The following ARID2 variants were observed in gnomAD, a reference collection of about 807,000 sequenced individuals.
ARID2 encodes the protein AT-rich interactive domain-containing protein 2.
Under a neutral mutation model 184.6 loss-of-function variants are expected in ARID2, and 32 were observed. That is an observed-to-expected ratio of 0.17 (90% CI 0.13 to 0.23). The LOEUF (loss-of-function observed/expected upper bound fraction) is 0.23, where lower values mean the gene tolerates loss of function less well. ARID2 is among the 10% of genes least tolerant of loss of function. The pLI, the probability that ARID2 is intolerant of heterozygous loss-of-function variation, is 1.00. For synonymous variants in ARID2, 836 were observed against 772.6 expected, an observed-to-expected ratio of 1.08 and a Z score of -1.36; for missense variants, 1,696 against 2,197.6, an observed-to-expected ratio of 0.77 and a Z score of 4.56.
chr12:45,864,889 T>C (rs1330255097), intron 16 of ARID2, among the ~76,000 whole-genome samples: 1 of 152,196 alleles, frequency 6.6e-6, no homozygotes, highest in Non-Finnish European at 1.5e-5. Flanking sequence ...TTTCCCTTAT[T>C]TACCAGTTTT....
intron 6 of ARID2, among the ~76,000 whole-genome samples, chr12:45,835,743 T>C (rs776194059): frequency 1.3e-5 from 2 of 151,928 alleles, no homozygotes; most frequent in Admixed American, 6.6e-5. Context: ...CTACTAAAAA[T>C]ACAAAAATTA....
intron 3 of ARID2, among the ~76,000 whole-genome samples, chr12:45,787,436 T>G (rs1432625799): frequency 6.6e-6 from 1 of 151,968 alleles, no homozygotes; most frequent in Non-Finnish European, 1.5e-5. Context: ...GGTTTCACTG[T>G]GTTGCCCAGG....
At chr12:45,854,468 GT>G (rs1270183833) in intron 15 of ARID2, among the ~76,000 whole-genome samples, 1 of 152,056 alleles carries the variant, frequency 6.6e-6, no homozygotes, top group African/African-American at 2.4e-5. Flanking sequence ...GGAAAATACT[GT>G]ATCATTTTTA....
intron 3 of ARID2, among the ~76,000 whole-genome samples, chr12:45,806,080 G>A (rs1942594317): frequency 1.3e-5 from 2 of 152,044 alleles, no homozygotes; most frequent in Non-Finnish European, 2.9e-5. Context: ...TGTTGTCTTA[G>A]GTGAGAAACA....
intron 3 of ARID2, 22 bp from the exon 4 acceptor site, chr12:45,811,396 C>T (rs1592091483): frequency 6.3e-7 from 1 of 1,599,088 alleles, no homozygotes. Flanking sequence ...TAAATGTTTG[C>T]TGTGCTGTTT....
At chr12:45,853,644 C>A (rs1943595951) in intron 15 of ARID2, among the ~76,000 whole-genome samples, 1 of 152,202 alleles carries the variant, frequency 6.6e-6, no homozygotes, top group Non-Finnish European at 1.5e-5. Flanking sequence ...ATCATGGATT[C>A]TCTTAACAGT....
At chr12:45,834,958 T>A (rs1475026042) in intron 6 of ARID2, among the ~76,000 whole-genome samples, 1 of 152,210 alleles carries the variant, frequency 6.6e-6, no homozygotes, top group Non-Finnish European at 1.5e-5. Context: ...ACATATTCTG[T>A]CTGCCCATTC....
intron 16 of ARID2, among the ~76,000 whole-genome samples, chr12:45,886,537 T>G (rs1944194906): frequency 6.6e-6 from 1 of 152,226 alleles, no homozygotes; most frequent in South Asian, 2.1e-4. Context: ...GGACTCTGTG[T>G]GGGGCTCTGA....
intron 3 of ARID2, among the ~76,000 whole-genome samples, chr12:45,753,348 T>A (rs1055574177): frequency 2.0e-5 from 3 of 152,054 alleles, no homozygotes; most frequent in African/African-American, 7.3e-5. Context: ...GCGTAGTGAT[T>A]TAGGAGTTGG....
chr12:45,741,323 A>G (rs2137978882), intron 3 of ARID2, among the ~76,000 whole-genome samples: 1 of 152,124 alleles, frequency 6.6e-6, no homozygotes. Context: ...ACAGCCTCCC[A>G]AGTACCTGGG....
At chr12:45,829,951 T>C (rs914528198) in intron 6 of ARID2, among the ~76,000 whole-genome samples, 2 of 150,528 alleles carry the variant, frequency 1.3e-5, no homozygotes, top group Non-Finnish European at 3.0e-5. Context: ...AGTGATCATG[T>C]TTTAATTTCT....
At chr12:45,739,994 T>C (rs1338455195) in intron 3 of ARID2, among the ~76,000 whole-genome samples, 1 of 152,176 alleles carries the variant, frequency 6.6e-6, no homozygotes, top group Non-Finnish European at 1.5e-5. Context: ...TGAGCTCAGA[T>C]CAGACCACAT....
At chr12:45,792,137 T>C (rs1942304194) in intron 3 of ARID2, among the ~76,000 whole-genome samples, 1 of 152,216 alleles carries the variant, frequency 6.6e-6, no homozygotes, top group Admixed American at 6.5e-5. Flanking sequence ...TGGATGCTCA[T>C]AATTAATTTT....
At chr12:45,771,428 G>T (rs1005606466) in intron 3 of ARID2, among the ~76,000 whole-genome samples, 1 of 151,272 alleles carries the variant, frequency 6.6e-6, no homozygotes, top group Non-Finnish European at 1.5e-5. Context: ...ACCTTGGGAA[G>T]TTGAGGCAGG....
chr12:45,901,331 C>G (rs1388023624), intron 20 of ARID2, among the ~76,000 whole-genome samples: 1 of 151,306 alleles, frequency 6.6e-6, no homozygotes, highest in African/African-American at 2.4e-5. Context: ...CCACCATGCC[C>G]CGCTAATATT....
intron 4 of ARID2, among the ~76,000 whole-genome samples, chr12:45,813,990 G>A (rs1184424785): frequency 6.6e-6 from 1 of 151,682 alleles, no homozygotes; most frequent in African/African-American, 2.4e-5. Context: ...ATTATTAGGT[G>A]GATTATTATT....
At chr12:45,829,384 T>C (rs1270847032) in intron 6 of ARID2, among the ~76,000 whole-genome samples, 1 of 152,044 alleles carries the variant, frequency 6.6e-6, no homozygotes, top group Non-Finnish European at 1.5e-5. Context: ...TTGCTAAAAA[T>C]GTTATTTTTG....
chr12:45,761,091 G>A (rs1037308798), intron 3 of ARID2, among the ~76,000 whole-genome samples: 4 of 152,092 alleles, frequency 2.6e-5, no homozygotes, highest in Non-Finnish European at 5.9e-5. Context: ...AGAATTTAAT[G>A]TGATTATTTC....
chr12:45,873,980 A>C (rs1025819480), intron 16 of ARID2: 6 of 152,226 alleles, frequency 3.9e-5, no homozygotes, highest in African/African-American at 1.4e-4. Context: ...TTGCTGTAGC[A>C]TGAGATGCTG....
Sources: gnomAD v4.1 joint callset for allele counts (sites outside exome capture counted in the v4.1 genomes callset) on GRCh38, gnomAD v4.1.1 for gene constraint, MANE v1.5 for transcripts, NCBI Gene and HGNC (gene_info 2026-07-23, HGNC 2026-07-21) for gene names.